Variants in DDX5 observed in about 807,000 individuals in gnomAD.
DDX5 encodes the protein DEAD-box helicase 5.
DDX5 carries 6 observed loss-of-function variants against 68.6 expected under a neutral mutation model. The observed-to-expected ratio is 0.09, with a 90% CI of 0.05 to 0.17. The LOEUF (loss-of-function observed/expected upper bound fraction) is 0.17, where lower values mean the gene tolerates loss of function less well. Ranked by LOEUF, DDX5 falls within the 10% of genes least tolerant of loss-of-function variation. The pLI is 1.00. For missense variants in DDX5, 499 were observed against 756.1 expected, an observed-to-expected ratio of 0.66 and a Z score of 3.99; for synonymous variants, 350 against 247.0, an observed-to-expected ratio of 1.42 and a Z score of -3.91.
Position 64,499,850 on chromosome 17 carries a change from ACTAT to A in DDX5, c.*69_*72del. On this transcript the variant is annotated 3_prime_UTR_variant, in exon 13 of 13. Transcript: ENST00000225792. ...CTGCAATTCCCATGTTTCTTAAATA[ACTAT>A]CTTGTCAGATAACACACAATATAAA... is the stretch of plus-strand genomic sequence containing the variant. The A allele has an allele frequency of 7.3e-7, 1 of 1,364,030 alleles. No individual in the cohort carries two copies. The highest frequency in any genetic ancestry group is 9.8e-7 in the Non-Finnish European group (1 of 1,022,222). 84.5% of individuals were successfully genotyped at this position (1,364,030 alleles called of 1,614,324 possible).
In DDX5 at chr17:64,504,028, C is replaced by T; in HGVS notation, c.396G>A (p.Leu132=). 1 of 1,614,216 alleles carries T rather than the reference C, an allele frequency of 6.2e-7. No individual in the cohort carries two copies. Among genetic ancestry groups the T allele is most frequent in the Non-Finnish European group, 8.5e-7 (1 of 1,180,042 alleles). Residue 132 remains leucine (L), a synonymous_variant, in exon 4 of 13, where the codon TTG becomes TTA. Transcript: ENST00000225792. ...CAGTCTGTGCCACTCCAACCATATCCAATCCACTTAGAGCAACTGGCCATC... is the reference window on the plus strand; with the variant it reads ...CAGTCTGTGCCACTCCAACCATATCTAATCCACTTAGAGCAACTGGCCATC... The part of the protein sequence containing the change: ...AQGWPVALSG[L]DMVGVAQTGS...
At chr17:64,505,711 C>G (rs1175438649) in intron 1 of DDX5, 1 of 1,533,322 alleles carries the variant, frequency 6.5e-7, no homozygotes, top group African/African-American at 1.4e-5. Context: ...ACAGAATGCC[C>G]GGCCACCCCA....
upstream of DDX5, chr17:64,506,591 G>A (rs955133499): frequency 5.4e-6 from 2 of 372,154 alleles, no homozygotes; most frequent in East Asian, 4.9e-5. Flanking sequence ...CTCGCCACTC[G>A]GAGATGTTTA....
chr17:64,506,020 A>AACCCCCCCCCCCCCCCCCC, intron 1 of DDX5, 56 bp downstream of exon 1: 26 of 868,054 alleles, frequency 3.0e-5, no homozygotes, highest in East Asian at 4.4e-5. Flanking sequence ...CGCCACCCTG[A>AACCCCCCCCCCCCCCCCCC]CCCGCCCTCC....
rs1483312705 is a variant in DDX5, at chr17:64,499,131, G to A, written c.*792C>T. ...CTCCTGGCCATCTTAAAGGGCTAAT[G>A]TATGTCTTTCACAGGTTTGTTCAAC... On this transcript the variant is annotated 3_prime_UTR_variant, in exon 13 of 13. Coordinates refer to ENST00000225792, the MANE Select transcript of DDX5 (RefSeq NM_004396.5). Among the ~76,000 whole-genome samples the A allele has an allele frequency of 4.6e-5, 7 of 152,178 alleles. No homozygotes were observed. Among genetic ancestry groups the A allele is most frequent in the African/African-American group, 7.2e-5 (3 of 41,458 alleles).
At chr17:64,502,656 G>T in intron 8 of DDX5, 107 bp from the exon 9 acceptor site, 2 of 878,856 alleles carry the variant, frequency 2.3e-6, no homozygotes, top group Non-Finnish European at 3.5e-6. Context: ...ATGGCTGGAA[G>T]TCAAAGAGGA....
Position 64,504,700 on chromosome 17 carries a change from G to C in DDX5, c.187C>G (p.Pro63Ala). The C allele has an allele frequency of 6.2e-7, 1 of 1,613,400 alleles. No homozygotes were observed. The highest frequency in any genetic ancestry group is 8.5e-7 in the Non-Finnish European group (1 of 1,179,804). ...ACTGCTGTGCGCCTAGCCAAATCAGGGTGCTCTTGATAAAAATTCTTCTCA... is the reference window on the plus strand; with the variant it reads ...ACTGCTGTGCGCCTAGCCAAATCAGCGTGCTCTTGATAAAAATTCTTCTCA... ...KFEKNFYQEH[P>A]DLARRTAQEV... is the part of the protein sequence containing the mutation. The change falls in exon 2 of 13, where the codon CCT (proline) becomes GCT (alanine). Residue 63 changes from proline to alanine, a missense_variant. Around this residue, in one of 5 missense-constraint regions of DDX5, gnomAD observed 140 missense variants for 135.7 expected, o/e 1.03. Coordinates refer to ENST00000225792, the MANE Select transcript of DDX5 (RefSeq NM_004396.5).
At chr17:64,503,637 A>C (rs1241618566) in intron 5 of DDX5, 66 bp from the exon 6 acceptor site, 7 of 1,589,532 alleles carry the variant, frequency 4.4e-6, no homozygotes, top group Admixed American at 1.7e-5. Context: ...AACTTATTAT[A>C]CTAGCAGATC....
At chr17:64,503,774 C>T (rs1043094687) in intron 5 of DDX5, 29 bp downstream of exon 5, 2 of 1,599,630 alleles carry the variant, frequency 1.3e-6, no homozygotes, top group Non-Finnish European at 8.5e-7. Flanking sequence ...CATTATGCTT[C>T]TAATAAAAAG....
chr17:64,503,724 C>G, intron 5 of DDX5, 79 bp downstream of exon 5: 3 of 1,550,232 alleles, frequency 1.9e-6, no homozygotes, highest in East Asian at 2.3e-5. Flanking sequence ...AAAACCACCA[C>G]AAATGATTAC....
chr17:64,503,562 G>T lies in DDX5; in HGVS notation c.517C>A (p.Leu173Met), dbSNP rs782126204. 1.2e-6 allele frequency: 2 copies of T among 1,613,716 alleles called. No homozygotes were observed. Among genetic ancestry groups the T allele is most frequent in the African/African-American group, 2.7e-5 (2 of 74,892 alleles). Residue 173 changes from leucine to methionine, a missense_variant, in exon 6 of 13, where the codon CTG becomes ATG. Leu to Met is a conservative substitution (Grantham distance 15). Transcript: ENST00000225792. ...ERGDGPICLVLAPTRELAQQV... is the reference protein window; with the variant it reads ...ERGDGPICLVMAPTRELAQQV... Reference sequence around the variant, plus strand: ...TGGGCCAGTTCCCGAGTTGGTGCCAGCACCAAACACTAAGGAAAGAGAAAC... The same window carrying T: ...TGGGCCAGTTCCCGAGTTGGTGCCATCACCAAACACTAAGGAAAGAGAAAC...
At position 64,504,130 on chromosome 17, in the gene DDX5, C is replaced by T. The variant is rs1358818711; in HGVS notation, c.308-14G>A. ...CCATGACATTTGCTATAATTAGTAA[C>T]AGATATTTAGTAAAAATTAGTGATG... On this transcript the variant is annotated splice_polypyrimidine_tract_variant and intron_variant, in intron 3 of 12. Transcript: ENST00000225792. 6.2e-7 allele frequency: 1 copy of T among 1,613,790 alleles called. No homozygotes were observed. Among genetic ancestry groups the T allele is most frequent in the African/African-American group, 1.3e-5 (1 of 74,882 alleles).
chr17:64,505,677 T>C, intron 1 of DDX5: 10 of 1,476,090 alleles, frequency 6.8e-6, no homozygotes, highest in Non-Finnish European at 9.1e-6. Context: ...GCACCAGGGC[T>C]TTGGAAGTGG....
At chr17:64,504,413 A>G in intron 2 of DDX5, 95 bp from the exon 3 acceptor site, 1 of 1,127,902 alleles carries the variant, frequency 8.9e-7, no homozygotes, top group East Asian at 2.4e-5. Flanking sequence ...TTTAGTAACT[A>G]GTTTAAAGTA....
At chr17:64,500,499 G>C in intron 12 of DDX5, 50 bp downstream of exon 12, 1 of 1,567,740 alleles carries the variant, frequency 6.4e-7, no homozygotes, top group Non-Finnish European at 8.7e-7. Context: ...TGGATTTGTA[G>C]ACAACGATGT....
rs1555671307 is a variant in DDX5, at chr17:64,502,555, A to G, written c.984-6T>C. ...CTTCCATTAGACGAATAAGTCTAAT[A>G]ATAGGAGAGAGAAAGGAAAAATCCT... On this transcript the variant is annotated splice_polypyrimidine_tract_variant and splice_region_variant and intron_variant, in intron 8 of 12. Transcript: ENST00000225792. 6.3e-7 allele frequency: 1 copy of G among 1,580,486 alleles called. No individual in the cohort carries two copies. The highest frequency in any genetic ancestry group is 8.7e-7 in the Non-Finnish European group (1 of 1,151,248).
chr17:64,504,533 A>G (rs2038377585), intron 2 of DDX5, 144 bp downstream of exon 2: 1 of 1,106,662 alleles, frequency 9.0e-7, no homozygotes, highest in Non-Finnish European at 1.3e-6. Flanking sequence ...CTATATCCAA[A>G]AGTGAGTCAC....
chr17:64,506,375 C>T (rs1277383685), upstream of DDX5: 3 of 1,415,078 alleles, frequency 2.1e-6, no homozygotes, highest in South Asian at 1.5e-5. Context: ...ATGACCTAAT[C>T]GCCCCGCCCC....
rs570883385 is a variant in DDX5 at position 64,505,794 on chromosome 17, A to AC, written c.44+281dup. On this transcript the variant is annotated intron_variant, in intron 1 of 12. Coordinates refer to ENST00000225792, the MANE Select transcript of DDX5 (RefSeq NM_004396.5). ...CTCGAAGCGTCCCGCTTTCATCCGC[A>AC]CAATACGCTCCCTCTCAACTCCCTC... 1,316 of 1,536,118 alleles carry AC rather than the reference A, an allele frequency of 8.6e-4. 12 individuals carry two copies. In the African/African-American group the frequency reaches 0.016, roughly 19 times the overall value.
Sources: gnomAD v4.1 joint callset for allele counts (sites outside exome capture counted in the v4.1 genomes callset) on GRCh38, gnomAD v4.1.1 for gene constraint, gnomAD v4.1.1 regional missense constraint, MANE v1.5 for transcripts, NCBI Gene and HGNC (gene_info 2026-07-23, HGNC 2026-07-21) for gene names.